Variants in TLE4 observed in about 807,000 individuals in gnomAD.
The protein encoded by TLE4 is transducin-like enhancer protein 4.
In TLE4, 8 loss-of-function variants were observed where a neutral mutation model predicts 92.8. The observed-to-expected ratio is 0.09, with a 90% confidence interval of 0.05 to 0.16. The LOEUF is 0.16. Among genes scored for constraint, TLE4 ranks in the 10% least tolerant of loss-of-function variants. The pLI is 1.00. For synonymous variants in TLE4, 371 were observed against 374.1 expected (o/e 0.99, Z 0.10); for missense variants, 675 against 997.6 (o/e 0.68, Z 4.36).
At chr9:79,692,443 T>C (rs922464686) in intron 8 of TLE4, among the ~76,000 whole-genome samples, 3 of 152,202 alleles carry the variant, frequency 2.0e-5, no homozygotes, top group African/African-American at 4.8e-5. Context: ...CTACCCAGAT[T>C]GGTTTGCTGG....
chr9:79,708,096 A>T (rs749485456), intron 11 of TLE4, 22 bp from the exon 12 acceptor site: 41 of 1,612,128 alleles, frequency 2.5e-5, no homozygotes, highest in Admixed American at 8.3e-5. Context: ...AATTGCTGGT[A>T]TATGTCATTT....
chr9:79,599,886 G>A (rs1441320413), intron 4 of TLE4, among the ~76,000 whole-genome samples: 2 of 152,032 alleles, frequency 1.3e-5, no homozygotes, highest in African/African-American at 4.8e-5. Flanking sequence ...TGTCTTCATA[G>A]CACTTCTCAG....
chr9:79,625,628 G>C (rs897868741), intron 5 of TLE4, among the ~76,000 whole-genome samples: 1 of 151,772 alleles, frequency 6.6e-6, no homozygotes, highest in Non-Finnish European at 1.5e-5. Context: ...TGTCTTCAAT[G>C]TGAACATGAG....
chr9:79,589,790 T>C (rs1488217900), intron 4 of TLE4, among the ~76,000 whole-genome samples: 1 of 152,170 alleles, frequency 6.6e-6, no homozygotes, highest in African/African-American at 2.4e-5. Flanking sequence ...TGCCTGAGAA[T>C]TCAACGTGAC....
intron 4 of TLE4, chr9:79,576,709 C>T (rs549745395): frequency 1.3e-5 from 2 of 151,972 alleles, no homozygotes; most frequent in South Asian, 4.1e-4. Context: ...AGAACTATAA[C>T]CGTTACTTCC....
chr9:79,669,893 G>A (rs1028508268), intron 8 of TLE4, among the ~76,000 whole-genome samples: 3 of 152,148 alleles, frequency 2.0e-5, no homozygotes, highest in African/African-American at 7.2e-5. Flanking sequence ...TTACATGGCT[G>A]TGCTCCACTC....
chr9:79,593,230 G>T (rs1009975517), intron 4 of TLE4, among the ~76,000 whole-genome samples: 1 of 152,086 alleles, frequency 6.6e-6, no homozygotes, highest in South Asian at 2.1e-4. Context: ...CCGAAATGTG[G>T]TTTTGCTGTC....
chr9:79,630,037 G>A (rs550438231), intron 6 of TLE4, among the ~76,000 whole-genome samples: 2 of 152,244 alleles, frequency 1.3e-5, no homozygotes, highest in Admixed American at 1.3e-4. Context: ...TGCACTGAAG[G>A]AATGACAGTT....
intron 5 of TLE4, among the ~76,000 whole-genome samples, chr9:79,626,897 T>G (rs906424049): frequency 6.6e-6 from 1 of 152,226 alleles, no homozygotes; most frequent in African/African-American, 2.4e-5. Flanking sequence ...ATATGTATGT[T>G]GCATTATGTA....
chr9:79,654,780 G>A (rs754220870), intron 8 of TLE4, among the ~76,000 whole-genome samples: 1 of 152,248 alleles, frequency 6.6e-6, no homozygotes, highest in Non-Finnish European at 1.5e-5. Context: ...AGAAAAATAG[G>A]CTGCCATGGC....
At chr9:79,656,228 G>A (rs1324898111) in intron 8 of TLE4, among the ~76,000 whole-genome samples, 3 of 152,076 alleles carry the variant, frequency 2.0e-5, no homozygotes, top group African/African-American at 4.8e-5. Flanking sequence ...TCCATCGATC[G>A]TCCTCCCATA....
chr9:79,724,965 G>C, intron 19 of TLE4, 72 bp from the exon 20 acceptor site: 1 of 1,091,500 alleles, frequency 9.2e-7, no homozygotes, highest in Non-Finnish European at 1.3e-6. Context: ...ATTTGCATTT[G>C]CTCTAAGTCC....
intron 5 of TLE4, among the ~76,000 whole-genome samples, chr9:79,625,573 T>C (rs180883988): frequency 1.8e-3 from 273 of 152,260 alleles, no homozygotes; most frequent in African/African-American, 6.0e-3. Context: ...ACTTTTTTTT[T>C]TGTTTTCCAA....
intron 4 of TLE4, among the ~76,000 whole-genome samples, chr9:79,605,653 C>G (rs997867906): frequency 1.5e-4 from 23 of 151,944 alleles, no homozygotes; most frequent in African/African-American, 5.3e-4. Flanking sequence ...GGAATAGTAC[C>G]ATGAAATGTG....
intron 4 of TLE4, chr9:79,580,267 C>T (rs892881924): frequency 2.0e-5 from 3 of 152,108 alleles, no homozygotes; most frequent in Admixed American, 2.0e-4. Context: ...ATAAAAGGCT[C>T]GGCATGGTAC....
chr9:79,691,451 C>T (rs543792347), intron 8 of TLE4, among the ~76,000 whole-genome samples: 1 of 152,158 alleles, frequency 6.6e-6, no homozygotes, highest in East Asian at 1.9e-4. Context: ...GTGATTCGAG[C>T]CTCCTCTCTG....
chr9:79,651,163 G>A (rs1587825751), intron 6 of TLE4, among the ~76,000 whole-genome samples: 1 of 152,168 alleles, frequency 6.6e-6, no homozygotes, highest in Middle Eastern at 3.4e-3. Context: ...GGCCTGGAAT[G>A]TGATTTCTTT....
chr9:79,622,010 C>G (rs965497444), intron 5 of TLE4, among the ~76,000 whole-genome samples: 6 of 152,212 alleles, frequency 3.9e-5, no homozygotes, highest in African/African-American at 1.4e-4. Flanking sequence ...ATCCATCTTA[C>G]TCAAATGCAG....
At chr9:79,586,992 T>C (rs1474943823) in intron 4 of TLE4, among the ~76,000 whole-genome samples, 1 of 152,210 alleles carries the variant, frequency 6.6e-6, no homozygotes, top group Non-Finnish European at 1.5e-5. Context: ...TTAGTTACTT[T>C]TAAATGTACA....
Sources: allele counts gnomAD v4.1 joint callset (sites outside exome capture counted in the v4.1 genomes callset), GRCh38; gene constraint gnomAD v4.1.1; transcripts MANE v1.5; gene names NCBI Gene and HGNC (gene_info 2026-07-23, HGNC 2026-07-21).